Variants in CDKAL1 observed in about 807,000 individuals in gnomAD.
CDKAL1 encodes threonylcarbamoyladenosine tRNA methylthiotransferase.
A neutral mutation model predicts 68.2 loss-of-function variants in CDKAL1; 32 were observed. The ratio of observed to expected loss-of-function variants is 0.47; its 90% confidence interval spans 0.35 to 0.63. The LOEUF is 0.63. CDKAL1 is among the 30% of genes least tolerant of loss of function. CDKAL1 has a pLI of 0.00. For missense variants in CDKAL1, 606 were observed against 696.7 expected, an observed-to-expected ratio of 0.87 and a Z score of 1.47; for synonymous variants, 234 against 244.3, an observed-to-expected ratio of 0.96 and a Z score of 0.39.
chr6:21,011,762 C>T (rs1343685659), intron 11 of CDKAL1, among the ~76,000 whole-genome samples: 1 of 152,140 alleles, frequency 6.6e-6, no homozygotes, highest in Non-Finnish European at 1.5e-5. Context: ...AATCAATCCC[C>T]TTTCTTCACA....
intron 8 of CDKAL1, among the ~76,000 whole-genome samples, chr6:20,818,379 A>C (rs1035302247): frequency 4.7e-4 from 71 of 152,188 alleles, no homozygotes; most frequent in Non-Finnish European, 9.1e-4. Flanking sequence ...TTGTATTATA[A>C]ATAGCAATCC....
intron 4 of CDKAL1, among the ~76,000 whole-genome samples, chr6:20,583,583 C>T (rs9460524): frequency 0.82 from 124,558 of 152,016 alleles, 51,671 homozygotes; most frequent in African/African-American, 0.95. Flanking sequence ...GGTGGTAGAA[C>T]GTTTCCAGGA....
At chr6:20,555,657 CTT>C (rs1764009003) in intron 4 of CDKAL1, among the ~76,000 whole-genome samples, 1 of 130,124 alleles carries the variant, frequency 7.7e-6, no homozygotes, top group African/African-American at 2.9e-5. Context: ...GAGTCCTGCT[CTT>C]TTGCCCAGGC....
intron 10 of CDKAL1, among the ~76,000 whole-genome samples, chr6:20,957,008 T>TTAA (rs1234031957): frequency 8.8e-6 from 1 of 113,836 alleles, no homozygotes; most frequent in African/African-American, 3.5e-5. Context: ...TGATTCTCTG[T>TTAA]AAAAAAAAAA....
Position 20,724,491 on chromosome 6 carries a change from C to T in CDKAL1, c.372-15028C>T, listed in dbSNP as rs932137769. Reference sequence around the variant, plus strand: ...CAGCACTTTGGGAGGCCAAGGAGGACAGATGGCTTGAGTTTAGGAGATCCA... The same window carrying T: ...CAGCACTTTGGGAGGCCAAGGAGGATAGATGGCTTGAGTTTAGGAGATCCA... On this transcript the variant is annotated intron_variant, in intron 5 of 15. Coordinates refer to ENST00000274695, the MANE Select transcript of CDKAL1 (RefSeq NM_017774.3). Among the ~76,000 whole-genome samples, 25 of 151,894 alleles carry T rather than the reference C, an allele frequency of 1.6e-4. 1 individual carries two copies. Among genetic ancestry groups the T allele is most frequent in the Admixed American group, 6.6e-5 (1 of 15,260 alleles).
chr6:20,912,277 G>C (rs929699055), intron 9 of CDKAL1, among the ~76,000 whole-genome samples: 1 of 152,036 alleles, frequency 6.6e-6, no homozygotes, highest in Non-Finnish European at 1.5e-5. Flanking sequence ...ATCTGAACTG[G>C]AGTTAAACTT....
chr6:20,618,789 C>T (rs746122054), intron 4 of CDKAL1, among the ~76,000 whole-genome samples: 21 of 152,096 alleles, frequency 1.4e-4, no homozygotes, highest in Non-Finnish European at 2.6e-4. Context: ...GCTGATCCTC[C>T]TGCCTCAGCC....
At chr6:20,787,957 G>T (rs1439592991) in intron 8 of CDKAL1, among the ~76,000 whole-genome samples, 6 of 152,174 alleles carry the variant, frequency 3.9e-5, no homozygotes, top group African/African-American at 7.2e-5. Flanking sequence ...AGTGTGTGTT[G>T]TAAGATTCTT....
At chr6:20,641,858 G>A (rs1318500766) in intron 4 of CDKAL1, among the ~76,000 whole-genome samples, 2 of 152,038 alleles carry the variant, frequency 1.3e-5, no homozygotes, top group Non-Finnish European at 2.9e-5. Context: ...ATGTGTATGG[G>A]TATGTGATGT....
chr6:21,222,002 CAG>C (rs1779554714), intron 15 of CDKAL1, among the ~76,000 whole-genome samples: 1 of 152,184 alleles, frequency 6.6e-6, no homozygotes, highest in Non-Finnish European at 1.5e-5. Context: ...TGAGACCACA[CAG>C]GGGCACATCA....
intron 10 of CDKAL1, among the ~76,000 whole-genome samples, chr6:20,996,839 G>A (rs1156751076): frequency 6.6e-6 from 1 of 152,188 alleles, no homozygotes; most frequent in Admixed American, 6.5e-5. Flanking sequence ...ATAAAATGAT[G>A]TATGCCTGTA....
chr6:20,629,043 A>G (rs545087530), intron 4 of CDKAL1, among the ~76,000 whole-genome samples: 1 of 152,272 alleles, frequency 6.6e-6, no homozygotes, highest in Non-Finnish European at 1.5e-5. Context: ...GACTTCATTC[A>G]TCTTATTCCC....
chr6:21,201,448 T>G (rs950522808), intron 15 of CDKAL1, among the ~76,000 whole-genome samples, 174 bp downstream of exon 15: 10 of 152,244 alleles, frequency 6.6e-5, no homozygotes, highest in African/African-American at 2.2e-4. Context: ...TTTTTGCTGA[T>G]GCCGATAGCT....
chr6:20,619,019 G>A (rs1767058204), intron 4 of CDKAL1, among the ~76,000 whole-genome samples: 1 of 152,112 alleles, frequency 6.6e-6, no homozygotes. Context: ...TTCTATGATA[G>A]TGACAGGTAC....
chr6:21,087,273 T>C (rs1157664412), intron 12 of CDKAL1, among the ~76,000 whole-genome samples: 1 of 152,216 alleles, frequency 6.6e-6, no homozygotes, highest in Admixed American at 6.5e-5. Context: ...ACTGATTCTT[T>C]GAGAAACATC....
intron 4 of CDKAL1, among the ~76,000 whole-genome samples, chr6:20,634,997 A>G (rs1767839542): frequency 6.8e-6 from 1 of 147,102 alleles, no homozygotes; most frequent in Non-Finnish European, 1.5e-5. Context: ...AAAAAAAAAA[A>G]AGAAGAAAGA....
chr6:21,185,290 G>C (rs1170234722), intron 13 of CDKAL1, among the ~76,000 whole-genome samples: 1 of 150,712 alleles, frequency 6.6e-6, no homozygotes, highest in South Asian at 2.1e-4. Flanking sequence ...AAAAAATATA[G>C]CTCAGAATTG....
intron 6 of CDKAL1, among the ~76,000 whole-genome samples, chr6:20,751,735 T>C (rs1773931445): frequency 6.6e-6 from 1 of 152,228 alleles, no homozygotes; most frequent in Non-Finnish European, 1.5e-5. Context: ...ATACACCAAC[T>C]CCTTTCTTCA....
At chr6:20,706,325 A>T (rs1309191358) in intron 5 of CDKAL1, among the ~76,000 whole-genome samples, 1 of 152,100 alleles carries the variant, frequency 6.6e-6, no homozygotes, top group Non-Finnish European at 1.5e-5. Flanking sequence ...GAAGAAGGGG[A>T]AGAAAAAATC....
Sources: gnomAD v4.1 joint callset for allele counts (sites outside exome capture counted in the v4.1 genomes callset) on GRCh38, gnomAD v4.1.1 for gene constraint, MANE v1.5 for transcripts, NCBI Gene and HGNC (gene_info 2026-07-23, HGNC 2026-07-21) for gene names.